MBP: variants seen among roughly 807,000 people sequenced by gnomAD.
MBP encodes myelin basic protein.
MBP carries 16 observed loss-of-function variants against 35.8 expected under a neutral mutation model. The observed-to-expected ratio is 0.45, with a 90% CI of 0.30 to 0.68. The LOEUF (loss-of-function observed/expected upper bound fraction) is 0.68. MBP is among the 30% of genes least tolerant of loss of function. The pLI, the probability that MBP is intolerant of heterozygous loss-of-function variation, is 0.08. For missense variants in MBP, 380 were observed against 404.7 expected, an observed-to-expected ratio of 0.94 and a Z score of 0.52; for synonymous variants, 143 against 159.6, an observed-to-expected ratio of 0.90 and a Z score of 0.78.
In MBP at chr18:77,067,648, C is replaced by G. The variant is rs138659598; in HGVS notation, c.52-1263G>C. ...CAGTGCTGTGGGCAGCCGCGCTGGC[C>G]CTGGTGCTACCCACCAGCAGCACCG... On this transcript the variant is annotated intron_variant, in intron 2 of 8. Transcript: ENST00000355994. Among the ~76,000 whole-genome samples the G allele has an allele frequency of 8.2e-3, 1,256 of 152,264 alleles. 3 individuals are homozygous for G. Among genetic ancestry groups the G allele is most frequent in the East Asian group, 0.018 (92 of 5,176 alleles).
At chr18:77,119,203 C>T (rs1158604498) in intron 1 of MBP, among the ~76,000 whole-genome samples, 5 of 152,092 alleles carry the variant, frequency 3.3e-5, no homozygotes, top group East Asian at 1.9e-4. Flanking sequence ...CTGGAAGCCT[C>T]GGGAGAGGGC....
At chr18:77,079,613 T>C (rs1974809242) in intron 2 of MBP, among the ~76,000 whole-genome samples, 1 of 152,232 alleles carries the variant, frequency 6.6e-6, no homozygotes, top group Non-Finnish European at 1.5e-5. Context: ...TTTATTTGCT[T>C]GCTGATATTT....
At chr18:77,038,904 T>C (rs907863637) in intron 3 of MBP, among the ~76,000 whole-genome samples, 1 of 152,234 alleles carries the variant, frequency 6.6e-6, no homozygotes, top group Non-Finnish European at 1.5e-5. Context: ...CACTGGTTAG[T>C]ATGGAGGTTT....
At position 76,989,825 on chromosome 18, in the gene MBP, G is replaced by A. The variant is rs1182538106; in HGVS notation, c.681+131C>T. The A allele has an allele frequency of 9.7e-6, 7 of 718,100 alleles. No individual in the cohort carries two copies. Among genetic ancestry groups the A allele is most frequent in the African/African-American group, 1.8e-5 (1 of 56,280 alleles). The allele number at this position is 718,100 out of a possible 1,614,324, so 44.5% of individuals were successfully genotyped here. On this transcript the variant is annotated intron_variant, in intron 5 of 8. Transcript: ENST00000355994. The surrounding 1 kb of genome is among the most constrained non-coding windows in gnomAD (Gnocchi z 4.0). ...ATCAGGTGCGAGGGGGGAGTTCCCCGGCCGGCCTCACCCTGATGATGACCC... is the reference window on the plus strand; with the variant it reads ...ATCAGGTGCGAGGGGGGAGTTCCCCAGCCGGCCTCACCCTGATGATGACCC...
chr18:76,997,371 C>T (rs1030864227), intron 4 of MBP, among the ~76,000 whole-genome samples: 1 of 152,208 alleles, frequency 6.6e-6, no homozygotes, highest in Non-Finnish European at 1.5e-5. Flanking sequence ...CAGCGAGTCC[C>T]CTGGGGCCCT....
intron 3 of MBP, among the ~76,000 whole-genome samples, chr18:77,045,620 C>T (rs1490148708): frequency 3.3e-5 from 5 of 152,232 alleles, no homozygotes; most frequent in African/African-American, 7.2e-5. Context: ...GATTGTTAGC[C>T]AGGAGTGCTC....
intron 3 of MBP, among the ~76,000 whole-genome samples, chr18:77,056,374 A>G (rs1397614722): frequency 6.6e-6 from 1 of 152,182 alleles, no homozygotes; most frequent in Non-Finnish European, 1.5e-5. Context: ...ACTTGCCACT[A>G]TGAATTATTT....
At chr18:77,061,735 G>C (rs975319302) in intron 3 of MBP, among the ~76,000 whole-genome samples, 1 of 152,084 alleles carries the variant, frequency 6.6e-6, no homozygotes, top group Non-Finnish European at 1.5e-5. Flanking sequence ...ACTGTTTCCT[G>C]GTGTTTTTTC....
chr18:77,048,871 A>G, intron 3 of MBP, among the ~76,000 whole-genome samples: 1 of 152,136 alleles, frequency 6.6e-6, no homozygotes, highest in Non-Finnish European at 1.5e-5. Flanking sequence ...TAGGGTTGGG[A>G]TTTGAACCCA....
chr18:77,015,860 T>C (rs1452770094), intron 4 of MBP: 3 of 985,354 alleles, frequency 3.0e-6, no homozygotes, highest in Admixed American at 6.2e-5. Flanking sequence ...AAAAGCCTTT[T>C]ACGCTCCCAC....
At chr18:77,052,536 T>A (rs1483503225) in intron 3 of MBP, among the ~76,000 whole-genome samples, 1 of 152,216 alleles carries the variant, frequency 6.6e-6, no homozygotes, top group African/African-American at 2.4e-5. Flanking sequence ...TGACCCTAAG[T>A]GACTCTTAGC....
At chr18:77,126,711 T>C (rs1292122384) in intron 1 of MBP, among the ~76,000 whole-genome samples, 1 of 152,132 alleles carries the variant, frequency 6.6e-6, no homozygotes, top group Non-Finnish European at 1.5e-5. Flanking sequence ...GACTGACACA[T>C]AAAAATTACT....
intron 4 of MBP, among the ~76,000 whole-genome samples, chr18:77,001,884 T>C (rs1970656265): frequency 6.6e-6 from 1 of 151,708 alleles, no homozygotes; most frequent in African/African-American, 2.4e-5. Context: ...TGTAAGAAAG[T>C]TCCTGCTCAT....
intron 2 of MBP, among the ~76,000 whole-genome samples, chr18:77,090,053 C>T (rs888030961): frequency 2.0e-5 from 3 of 152,212 alleles, no homozygotes; most frequent in Non-Finnish European, 4.4e-5. Flanking sequence ...CAGGTGAAGG[C>T]AGCGGCCTTC....
chr18:77,007,682 A>C (rs1239345585), intron 4 of MBP, among the ~76,000 whole-genome samples: 1 of 152,066 alleles, frequency 6.6e-6, no homozygotes, highest in East Asian at 1.9e-4. Context: ...TGCTTTTCCT[A>C]TCTGGACCAG....
chr18:77,056,486 C>A (rs62104272), intron 3 of MBP, among the ~76,000 whole-genome samples: 1 of 152,174 alleles, frequency 6.6e-6, no homozygotes, highest in South Asian at 2.1e-4. Flanking sequence ...ATGTAACCAA[C>A]AAGGAAGATA....
intron 3 of MBP, among the ~76,000 whole-genome samples, chr18:77,025,316 G>A (rs972890483): frequency 4.6e-5 from 7 of 152,266 alleles, no homozygotes; most frequent in East Asian, 3.9e-4. Flanking sequence ...GCTGCTTCAC[G>A]GAGGGCTGAC....
chr18:77,067,884 C>A (rs192554540), intron 2 of MBP: 35 of 500,628 alleles, frequency 7.0e-5, no homozygotes, highest in African/African-American at 5.6e-4. Flanking sequence ...TGATTCAGAC[C>A]TAGTGTGACT....
chr18:77,108,635 G>A lies in MBP; in HGVS notation c.-25-3349C>T, dbSNP rs1976353647. 3.3e-5 allele frequency: 5 copies of A among 152,230 alleles called. No homozygotes were observed. The South Asian group carries it at 8.3e-4, about 25-fold the overall frequency. The allele number at this position is 152,230 out of a possible 1,614,324, so 9.4% of individuals were successfully genotyped here. A position where few individuals can be genotyped will look rare whatever the true frequency, so the allele number is the denominator to read the frequency against. On this transcript the variant is annotated intron_variant, in intron 1 of 8. Coordinates refer to ENST00000355994, the MANE Select transcript of MBP (RefSeq NM_001025101.2). ...AGGGTTAACATTGGGCACAGGCAAA[G>A]TTAGTCACCCAGATTTACTAGGAAG...
Sources: gnomAD v4.1 joint callset for allele counts (sites outside exome capture counted in the v4.1 genomes callset) on GRCh38, gnomAD v4.1.1 for gene constraint, Gnocchi (gnomAD v3.1) non-coding constraint, MANE v1.5 for transcripts, NCBI Gene and HGNC (gene_info 2026-07-23, HGNC 2026-07-21) for gene names.